The following PLEKHA7 variants were observed in gnomAD, a reference collection of about 807,000 sequenced individuals.
The protein encoded by PLEKHA7 is pleckstrin homology domain containing A7.
A neutral mutation model predicts 170.0 loss-of-function variants in PLEKHA7; 104 were observed. The observed-to-expected ratio is 0.61, with a 90% CI of 0.52 to 0.72. The LOEUF (loss-of-function observed/expected upper bound fraction) is 0.72, where lower values mean the gene tolerates loss of function less well. PLEKHA7 is among the 30% of genes least tolerant of loss of function. The pLI is 0.00. For synonymous variants in PLEKHA7, 648 were observed against 660.8 expected (o/e 0.98, Z 0.30); for missense variants, 1,615 against 1,671.7 (o/e 0.97, Z 0.59).
At chr11:16,979,299 A>T (rs59941745) in intron 3 of PLEKHA7, among the ~76,000 whole-genome samples, 12,182 of 152,188 alleles carry the variant, frequency 0.08, 1,102 homozygotes, top group African/African-American at 0.22. Context: ...GAGTGCTGGG[A>T]TTACAGGCAT....
At chr11:16,955,708 A>G (rs1861657189) in intron 3 of PLEKHA7, among the ~76,000 whole-genome samples, 1 of 152,234 alleles carries the variant, frequency 6.6e-6, no homozygotes, top group African/African-American at 2.4e-5. Context: ...CAATGGAAGG[A>G]CAGTGAAGAC....
chr11:16,920,568 G>A (rs771406191), intron 3 of PLEKHA7, among the ~76,000 whole-genome samples: 1 of 152,202 alleles, frequency 6.6e-6, no homozygotes, highest in Non-Finnish European at 1.5e-5. Flanking sequence ...CCCACAAAGT[G>A]TACATAATAG....
intron 3 of PLEKHA7, among the ~76,000 whole-genome samples, chr11:17,012,495 C>T (rs1865378004): frequency 6.6e-6 from 1 of 152,206 alleles, no homozygotes; most frequent in African/African-American, 2.4e-5. Flanking sequence ...TTCAGAAACA[C>T]CATCCCGATC....
chr11:16,968,905 C>T (rs1590746178), intron 3 of PLEKHA7, among the ~76,000 whole-genome samples: 1 of 152,188 alleles, frequency 6.6e-6, no homozygotes, highest in Non-Finnish European at 1.5e-5. Flanking sequence ...GCCCCCCATA[C>T]CCACCTATGC....
intron 15 of PLEKHA7, 33 bp from the exon 16 acceptor site, chr11:16,801,850 A>G: frequency 6.2e-7 from 1 of 1,612,978 alleles, no homozygotes; most frequent in East Asian, 2.2e-5. Context: ...ACAGCAGGAT[A>G]GGAGGACAGT....
At chr11:16,955,907 C>G (rs536747502) in intron 3 of PLEKHA7, among the ~76,000 whole-genome samples, 5 of 152,192 alleles carry the variant, frequency 3.3e-5, no homozygotes, top group African/African-American at 1.2e-4. Flanking sequence ...ACTTAAAAAG[C>G]AGGGGTGTGC....
intron 3 of PLEKHA7, among the ~76,000 whole-genome samples, chr11:16,961,498 C>T (rs555041679): frequency 2.6e-5 from 4 of 152,374 alleles, no homozygotes; most frequent in Admixed American, 6.5e-5. Context: ...CTACAGGCAA[C>T]CGGAGAAGTG....
At chr11:16,876,364 G>A (rs1024827774) in intron 3 of PLEKHA7, among the ~76,000 whole-genome samples, 7 of 152,110 alleles carry the variant, frequency 4.6e-5, no homozygotes, top group Non-Finnish European at 1.0e-4. Flanking sequence ...TTCTCTTCAG[G>A]CTACTGAGAA....
At chr11:16,968,132 A>T (rs1187564666) in intron 3 of PLEKHA7, among the ~76,000 whole-genome samples, 1 of 152,210 alleles carries the variant, frequency 6.6e-6, no homozygotes, top group East Asian at 1.9e-4. Context: ...ACCCACAGGA[A>T]GTCATCTAGG....
At chr11:16,979,917 T>C (rs1223862241) in intron 3 of PLEKHA7, among the ~76,000 whole-genome samples, 15 of 152,150 alleles carry the variant, frequency 9.9e-5, no homozygotes, top group Admixed American at 6.5e-5. Flanking sequence ...GGCTAACCTG[T>C]GTCTACCCCC....
At chr11:16,991,347 G>T (rs1042818949) in intron 3 of PLEKHA7, among the ~76,000 whole-genome samples, 1 of 152,126 alleles carries the variant, frequency 6.6e-6, no homozygotes, top group Non-Finnish European at 1.5e-5. Context: ...AGACAGGCTC[G>T]GTTCCTTGTC....
At chr11:16,794,835 G>T in intron 18 of PLEKHA7, 75 bp downstream of exon 18, 1 of 1,464,064 alleles carries the variant, frequency 6.8e-7, no homozygotes, top group Middle Eastern at 1.7e-4. Flanking sequence ...CCACCCACCT[G>T]GTTCCCAGCC....
At chr11:17,007,295 TC>T (rs1565202684) in intron 3 of PLEKHA7, among the ~76,000 whole-genome samples, 1 of 152,190 alleles carries the variant, frequency 6.6e-6, no homozygotes, top group Non-Finnish European at 1.5e-5. Context: ...ACTTAATTTT[TC>T]TTTATGTAGA....
At chr11:16,926,146 G>A (rs545415074) in intron 3 of PLEKHA7, among the ~76,000 whole-genome samples, 28 of 152,304 alleles carry the variant, frequency 1.8e-4, no homozygotes, top group Non-Finnish European at 1.8e-4. Flanking sequence ...GGTAAATTGC[G>A]GGAACGGATT....
intron 6 of PLEKHA7, among the ~76,000 whole-genome samples, chr11:16,852,940 G>C (rs1227825010): frequency 6.6e-6 from 1 of 152,160 alleles, no homozygotes; most frequent in Non-Finnish European, 1.5e-5. Flanking sequence ...GTAAATGTTT[G>C]TATTTATCAA....
At chr11:16,883,764 C>G (rs6416169) in intron 3 of PLEKHA7, among the ~76,000 whole-genome samples, 151,360 of 152,264 alleles carry the variant, frequency 0.99, 75,235 homozygotes, top group East Asian at 1. Context: ...TATATAGCAA[C>G]ACTCCCCAAT....
intron 3 of PLEKHA7, among the ~76,000 whole-genome samples, chr11:16,908,278 G>GA (rs1204364559): frequency 7.6e-6 from 1 of 132,132 alleles, no homozygotes; most frequent in Non-Finnish European, 1.8e-5. Flanking sequence ...AAAGAAAATT[G>GA]GAAAAAAAAA....
chr11:16,849,492 GT>G (rs2135394089), intron 8 of PLEKHA7, among the ~76,000 whole-genome samples: 1 of 152,306 alleles, frequency 6.6e-6, no homozygotes, highest in East Asian at 1.9e-4. Flanking sequence ...TCAGGAATAA[GT>G]TTCTAAAATG....
intron 3 of PLEKHA7, among the ~76,000 whole-genome samples, chr11:16,927,292 T>C (rs553960695): frequency 6.6e-6 from 1 of 152,384 alleles, no homozygotes; most frequent in East Asian, 1.9e-4. Flanking sequence ...CATTCTTCTA[T>C]GGTGACCAAA....
Sources: allele counts gnomAD v4.1 joint callset (sites outside exome capture counted in the v4.1 genomes callset), GRCh38; gene constraint gnomAD v4.1.1; transcripts MANE v1.5; gene names NCBI Gene and HGNC (gene_info 2026-07-23, HGNC 2026-07-21).